Variants in FTO observed in about 807,000 individuals in gnomAD.
FTO encodes the protein alpha-ketoglutarate-dependent dioxygenase FTO.
FTO carries 47 observed loss-of-function variants against 63.9 expected under a neutral mutation model. That is an observed-to-expected ratio of 0.74 (90% CI 0.58 to 0.94). The LOEUF is 0.94. FTO is among the 40% of genes least tolerant of loss of function. The pLI is 0.00. For synonymous variants in FTO, 207 were observed against 224.4 expected (o/e 0.92, Z 0.69); for missense variants, 562 against 618.1 (o/e 0.91, Z 0.96).
intron 8 of FTO, chr16:54,063,715 A>G (rs1185296829): frequency 7.1e-6 from 1 of 141,776 alleles, no homozygotes; most frequent in Non-Finnish European, 1.5e-5. Context: ...TTTTTTCAGT[A>G]GAATATTTTG....
intron 4 of FTO, among the ~76,000 whole-genome samples, chr16:53,859,163 C>T (rs181927839): frequency 1.3e-3 from 195 of 152,132 alleles, no homozygotes; most frequent in Admixed American, 2.4e-3. Context: ...TTTGTATGTG[C>T]AGAGCCCATC....
intron 1 of FTO, among the ~76,000 whole-genome samples, chr16:53,729,502 C>T (rs1045713229): frequency 4.8e-5 from 5 of 104,714 alleles, no homozygotes; most frequent in African/African-American, 1.5e-4. Context: ...GACTCCGTAT[C>T]GGGGGGAAAA....
chr16:54,041,917 G>A (rs947465822), intron 8 of FTO, among the ~76,000 whole-genome samples: 1 of 152,160 alleles, frequency 6.6e-6, no homozygotes, highest in Non-Finnish European at 1.5e-5. Flanking sequence ...GAAGAGCACG[G>A]GAGAAGATTT....
intron 8 of FTO, among the ~76,000 whole-genome samples, chr16:54,004,007 C>G (rs1240282750): frequency 1.3e-5 from 2 of 152,080 alleles, no homozygotes; most frequent in Non-Finnish European, 2.9e-5. Context: ...CTAGTGTATA[C>G]TACCTTATAT....
intron 3 of FTO, among the ~76,000 whole-genome samples, chr16:53,839,827 G>A (rs113845945): frequency 0.25 from 34,575 of 141,104 alleles, 4,322 homozygotes; most frequent in Middle Eastern, 0.34. Context: ...TTATTTTAAG[G>A]TGCAGTGTCA....
chr16:53,893,742 A>G (rs914819895), intron 7 of FTO, among the ~76,000 whole-genome samples: 1 of 151,666 alleles, frequency 6.6e-6, no homozygotes, highest in African/African-American at 2.4e-5. Context: ...TTTCGAAAGT[A>G]GTGATGATTT....
chr16:53,734,920 G>T (rs1387118854), intron 1 of FTO, among the ~76,000 whole-genome samples: 1 of 152,214 alleles, frequency 6.6e-6, no homozygotes, highest in African/African-American at 2.4e-5. Flanking sequence ...CTATTGGCCA[G>T]ATCTGGATTT....
intron 8 of FTO, among the ~76,000 whole-genome samples, chr16:54,099,160 C>T (rs1417537849): frequency 6.6e-6 from 1 of 152,070 alleles, no homozygotes; most frequent in African/African-American, 2.4e-5. Context: ...GGATTTTGTT[C>T]CAGTAATTGC....
chr16:53,899,955 A>G (rs1001542962), intron 7 of FTO, among the ~76,000 whole-genome samples: 3 of 152,212 alleles, frequency 2.0e-5, no homozygotes, highest in Non-Finnish European at 4.4e-5. Flanking sequence ...GAAGCCTTAT[A>G]AAAGATTTTG....
At chr16:54,018,763 A>C (rs2084520809) in intron 8 of FTO, among the ~76,000 whole-genome samples, 1 of 152,160 alleles carries the variant, frequency 6.6e-6, no homozygotes, top group Non-Finnish European at 1.5e-5. Flanking sequence ...CCCTTCTGCC[A>C]TGATTGTAAG....
intron 8 of FTO, among the ~76,000 whole-genome samples, chr16:54,059,600 G>C (rs560804763): frequency 9.9e-5 from 15 of 152,150 alleles, no homozygotes; most frequent in Admixed American, 5.2e-4. Flanking sequence ...GTGGTTAAGC[G>C]CTGCTCCAGT....
intron 5 of FTO, among the ~76,000 whole-genome samples, chr16:53,877,134 C>T (rs2080679563): frequency 6.6e-6 from 1 of 152,228 alleles, no homozygotes; most frequent in South Asian, 2.1e-4. Flanking sequence ...AGGGAATGGA[C>T]AGTGGTGCAG....
At chr16:53,825,826 A>C in intron 2 of FTO, 38 bp from the exon 3 acceptor site, 1 of 1,604,576 alleles carries the variant, frequency 6.2e-7, no homozygotes, top group African/African-American at 1.3e-5. Flanking sequence ...AATTGTAGCT[A>C]TATATCAACG....
At chr16:53,816,103 G>A (rs2078680143) in intron 2 of FTO, among the ~76,000 whole-genome samples, 1 of 152,012 alleles carries the variant, frequency 6.6e-6, no homozygotes, top group African/African-American at 2.4e-5. Context: ...GTGCCCACTA[G>A]TACTCTCTTC....
intron 7 of FTO, among the ~76,000 whole-genome samples, chr16:53,891,828 G>C (rs1598922614): frequency 1.3e-5 from 2 of 152,124 alleles, no homozygotes; most frequent in East Asian, 3.9e-4. Flanking sequence ...TATTTGTTTT[G>C]TCGCTCTTGT....
At chr16:53,844,415 C>T (rs62033439) in intron 4 of FTO, 117 bp downstream of exon 4, 17 of 836,596 alleles carry the variant, frequency 2.0e-5, no homozygotes, top group African/African-American at 5.2e-5. Flanking sequence ...ATATTAAGAG[C>T]GAAACTTCTT....
rs1051308744 is a variant in FTO at position 53,826,157 on chromosome 16, C to G, written c.417C>G (p.Phe139Leu). ...EAEIAAACETFLKLNDYLQIE... is the reference protein window; with the variant it reads ...EAEIAAACETLLKLNDYLQIE... ...AAATAGCCGCTGCTTGTGAGACCTT[C>G]CTCAAGCTCAATGACTACCTGCAGA... Residue 139 changes from phenylalanine to leucine, a missense_variant, in exon 3 of 9, where the codon TTC (phenylalanine) becomes TTG (leucine). Phe to Leu is a conservative substitution (Grantham distance 22, BLOSUM62 0). Transcript: ENST00000471389. 2 of 1,614,128 alleles carry G rather than the reference C, an allele frequency of 1.2e-6. No homozygotes were observed. Among genetic ancestry groups the G allele is most frequent in the African/African-American group, 2.7e-5 (2 of 75,036 alleles).
At chr16:53,924,219 T>C (rs750426417) in intron 7 of FTO, among the ~76,000 whole-genome samples, 11 of 152,208 alleles carry the variant, frequency 7.2e-5, no homozygotes, top group African/African-American at 1.4e-4. Context: ...ATTATTTCAT[T>C]TACTCTTCAC....
At chr16:53,760,204 T>TGG (rs1377108283) in intron 1 of FTO, among the ~76,000 whole-genome samples, 14 of 135,526 alleles carry the variant, frequency 1.0e-4, no homozygotes, top group Non-Finnish European at 1.7e-4. Context: ...TCTTCAGCTT[T>TGG]GGTGTGTGTG....
Sources: allele counts gnomAD v4.1 joint callset (sites outside exome capture counted in the v4.1 genomes callset), GRCh38; gene constraint gnomAD v4.1.1; transcripts MANE v1.5; gene names NCBI Gene and HGNC (gene_info 2026-07-23, HGNC 2026-07-21).